GAS2: variants seen among roughly 807,000 people sequenced by gnomAD.
GAS2 encodes the protein growth arrest-specific protein 2.
A neutral mutation model predicts 37.5 loss-of-function variants in GAS2; 20 were observed. That is an observed-to-expected ratio of 0.53 (90% confidence interval 0.37 to 0.77). The LOEUF (loss-of-function observed/expected upper bound fraction) is 0.77, where lower values mean the gene tolerates loss of function less well. Among genes scored for constraint, GAS2 ranks in the 30% least tolerant of loss-of-function variants. The pLI is 0.00. For synonymous variants in GAS2, 144 were observed against 132.2 expected, an observed-to-expected ratio of 1.09 and a Z score of -0.61; for missense variants, 336 against 373.4, an observed-to-expected ratio of 0.90 and a Z score of 0.82.
At chr11:22,659,171 G>T (rs76709183) in intron 1 of GAS2, among the ~76,000 whole-genome samples, 1 of 152,126 alleles carries the variant, frequency 6.6e-6, no homozygotes, top group Non-Finnish European at 1.5e-5. Context: ...TTCCAGAGGC[G>T]ATTAATGTGT....
intron 7 of GAS2, among the ~76,000 whole-genome samples, chr11:22,786,790 A>G (rs572348504): frequency 3.2e-4 from 48 of 152,300 alleles, no homozygotes; most frequent in African/African-American, 1.1e-3. Flanking sequence ...AGTGCTAAAT[A>G]TCACACTGTT....
intron 5 of GAS2, among the ~76,000 whole-genome samples, chr11:22,741,248 A>T (rs934139774): frequency 2.7e-5 from 4 of 148,088 alleles, no homozygotes; most frequent in African/African-American, 5.3e-5. Context: ...CTGAAGAGTG[A>T]AATCCCTCTG....
chr11:22,673,658 G>T (rs1849294450), intron 1 of GAS2, among the ~76,000 whole-genome samples: 1 of 152,158 alleles, frequency 6.6e-6, no homozygotes, highest in Non-Finnish European at 1.5e-5. Flanking sequence ...TGTAATCCCA[G>T]CATTTTGGGA....
chr11:22,638,170 C>T (rs1858863079), intron 1 of GAS2, among the ~76,000 whole-genome samples: 1 of 152,170 alleles, frequency 6.6e-6, no homozygotes, highest in East Asian at 1.9e-4. Context: ...CAACCACTAA[C>T]ATCTTTATGG....
At chr11:22,697,852 A>G (rs1393167397) in intron 3 of GAS2, among the ~76,000 whole-genome samples, 1 of 152,122 alleles carries the variant, frequency 6.6e-6, no homozygotes, top group Non-Finnish European at 1.5e-5. Context: ...GGGCTGAGAC[A>G]ATGGGGTTTT....
intron 3 of GAS2, among the ~76,000 whole-genome samples, chr11:22,706,879 T>C (rs1464304443): frequency 1.3e-5 from 2 of 152,120 alleles, no homozygotes; most frequent in Non-Finnish European, 2.9e-5. Context: ...CAAATGGTAT[T>C]TCTAGTTCTA....
At chr11:22,645,219 T>C (rs374062908) in intron 1 of GAS2, among the ~76,000 whole-genome samples, 1 of 151,968 alleles carries the variant, frequency 6.6e-6, no homozygotes, top group Non-Finnish European at 1.5e-5. Context: ...ATTAAAAATA[T>C]GTATATATGG....
intron 7 of GAS2, among the ~76,000 whole-genome samples, chr11:22,762,081 A>G: frequency 6.6e-6 from 1 of 152,302 alleles, no homozygotes; most frequent in African/African-American, 2.4e-5. Flanking sequence ...TGAGAAAGAC[A>G]TTGTCAATTG....
intron 7 of GAS2, among the ~76,000 whole-genome samples, chr11:22,789,058 C>A (rs1390503349): frequency 1.3e-5 from 2 of 150,928 alleles, no homozygotes; most frequent in South Asian, 2.1e-4. Context: ...TATAATTTCC[C>A]AAAGTAGATC....
intron 7 of GAS2, among the ~76,000 whole-genome samples, chr11:22,788,574 A>G (rs773844269): frequency 2.0e-5 from 3 of 152,268 alleles, no homozygotes; most frequent in South Asian, 4.2e-4. Flanking sequence ...AAAGCACACT[A>G]TAGTAATTAC....
chr11:22,734,318 T>G (rs892636571), intron 4 of GAS2, among the ~76,000 whole-genome samples: 1 of 151,784 alleles, frequency 6.6e-6, no homozygotes, highest in Non-Finnish European at 1.5e-5. Flanking sequence ...TGCTGAAGGA[T>G]ATCTACTTTA....
At chr11:22,725,565 A>G (rs1451882797) in intron 3 of GAS2, among the ~76,000 whole-genome samples, 1 of 152,026 alleles carries the variant, frequency 6.6e-6, no homozygotes, top group East Asian at 1.9e-4. Flanking sequence ...AGTAGCTGGG[A>G]CCATAGATGT....
intron 5 of GAS2, among the ~76,000 whole-genome samples, chr11:22,741,647 A>C (rs1051370196): frequency 9.2e-5 from 14 of 152,150 alleles, no homozygotes; most frequent in African/African-American, 3.4e-4. Flanking sequence ...TTTAAAAGGA[A>C]ATGTTACTTA....
rs1590569592 is a variant in GAS2, at chr11:22,649,606, A to G, written c.-21+23793A>G. 2.6e-5 allele frequency among the ~76,000 whole-genome samples: 4 copies of G among 152,038 alleles called. No homozygotes were observed. In the South Asian group the frequency reaches 6.2e-4, roughly 24 times the overall value. On this transcript the variant is annotated intron_variant, in intron 1 of 5. Coordinates refer to the GAS2 transcript ENST00000528582. ...GCCACAATTTCTGCTCCTGTTATTG[A>G]TCTATTCAGAGATTCAACTTCTTCC...
intron 1 of GAS2, among the ~76,000 whole-genome samples, chr11:22,659,708 T>C (rs1248346020): frequency 6.6e-6 from 1 of 152,152 alleles, no homozygotes; most frequent in Non-Finnish European, 1.5e-5. Flanking sequence ...TCTCAAATAA[T>C]TTTATTATCA....
chr11:22,634,736 G>A (rs1204481077), intron 1 of GAS2, among the ~76,000 whole-genome samples: 1 of 152,152 alleles, frequency 6.6e-6, no homozygotes, highest in African/African-American at 2.4e-5. Flanking sequence ...GATAGGACCT[G>A]TTCTCTAATC....
At chr11:22,654,284 C>T (rs989467506) in intron 1 of GAS2, among the ~76,000 whole-genome samples, 1 of 152,198 alleles carries the variant, frequency 6.6e-6, no homozygotes, top group African/African-American at 2.4e-5. Context: ...GTCATTATCA[C>T]TTAATGGTAC....
intron 3 of GAS2, among the ~76,000 whole-genome samples, chr11:22,699,035 C>G (rs1383760376): frequency 4.6e-5 from 7 of 152,122 alleles, no homozygotes; most frequent in Admixed American, 3.9e-4. Context: ...TAAGCTCAAG[C>G]CCCCACAAAA....
upstream of GAS2, among the ~76,000 whole-genome samples, chr11:22,665,536 TC>T (rs1208402724): frequency 6.6e-6 from 1 of 152,198 alleles, no homozygotes; most frequent in African/African-American, 2.4e-5. Context: ...ATGCTGTTTC[TC>T]CTTAAAATTA....
Sources: gnomAD v4.1 joint callset for allele counts (sites outside exome capture counted in the v4.1 genomes callset) on GRCh38, gnomAD v4.1.1 for gene constraint, MANE v1.5 for transcripts, NCBI Gene and HGNC (gene_info 2026-07-23, HGNC 2026-07-21) for gene names.